The following ZC3H12D variants were observed in gnomAD, a reference collection of about 807,000 sequenced individuals.
The protein encoded by ZC3H12D is probable ribonuclease ZC3H12D.
In ZC3H12D, 11 loss-of-function variants were observed where a neutral mutation model predicts 24.2. That is an observed-to-expected ratio of 0.46 (90% CI 0.29 to 0.75). ZC3H12D has a LOEUF of 0.75. Among genes scored for constraint, ZC3H12D ranks in the 30% least tolerant of loss-of-function variants. The pLI is 0.11. For synonymous variants in ZC3H12D, 333 were observed against 341.8 expected (o/e 0.97, Z 0.28); for missense variants, 740 against 767.7 (o/e 0.96, Z 0.43).
Position 149,474,533 on chromosome 6 carries a change from G to C in ZC3H12D, c.11C>G (p.Pro4Arg). The change falls in exon 2 of 6, where the codon CCC becomes CGC. Residue 4 changes from proline to arginine, a missense_variant. Transcript: ENST00000409806. MEHPSKMEFFQKLG... is the reference protein window; with the variant it reads MEHRSKMEFFQKLG... The stretch of plus-strand genomic sequence containing the variant: ...CTTCTGGAAGAATTCCATCTTGCTG[G>C]GGTGCTCCATGCTGTGCCCAGCGGC... The C allele has an allele frequency of 6.5e-7, 1 of 1,527,300 alleles. No homozygotes were observed. The allele number at this position is 1,527,300 out of a possible 1,614,324, so 94.6% of individuals were successfully genotyped here.
At position 149,456,585 on chromosome 6, in the gene ZC3H12D, G is replaced by A. The variant is rs1196527001; in HGVS notation, c.680+81C>T. The A allele has an allele frequency of 8.1e-7, 1 of 1,234,066 alleles. No homozygotes were observed. The highest frequency in any genetic ancestry group is 1.5e-5 in the African/African-American group (1 of 67,476). The allele number at this position is 1,234,066 out of a possible 1,614,324, so 76.4% of individuals were successfully genotyped here. On this transcript the variant is annotated intron_variant, in intron 4 of 5. Coordinates refer to ENST00000409806, the MANE Select transcript of ZC3H12D (RefSeq NM_207360.3). This position sits in a 1 kb window ranked among gnomAD's most constrained non-coding sequence, Gnocchi z 4.3. ...CGGGTGACCCCAAGCTCCTCCACCT[G>A]GTAGCAGGCGTGGCCACTGCCTCGA...
intron 5 of ZC3H12D, among the ~76,000 whole-genome samples, chr6:149,451,932 C>G (rs1037909948): frequency 6.6e-6 from 1 of 152,220 alleles, no homozygotes; most frequent in Admixed American, 6.5e-5. Flanking sequence ...CCACCGTTCT[C>G]CGTGTTCGCT....
chr6:149,461,434 T>G (rs1308701417), intron 3 of ZC3H12D, among the ~76,000 whole-genome samples: 2 of 152,188 alleles, frequency 1.3e-5, no homozygotes, highest in African/African-American at 4.8e-5. Flanking sequence ...GGTAAATAAG[T>G]ATTACCTGAC....
chr6:149,484,406 T>C (rs1776469392), intron 1 of ZC3H12D, among the ~76,000 whole-genome samples: 1 of 152,206 alleles, frequency 6.6e-6, no homozygotes, highest in African/African-American at 2.4e-5. Flanking sequence ...CTCATGAGCA[T>C]GGTGACAGGG....
At chr6:149,469,937 G>A (rs1002244209) in intron 2 of ZC3H12D, among the ~76,000 whole-genome samples, 1 of 152,160 alleles carries the variant, frequency 6.6e-6, no homozygotes, top group Non-Finnish European at 1.5e-5. Context: ...CAGAAGGAAT[G>A]GTAATGTCTG....
chr6:149,470,345 G>A (rs1776224865), intron 2 of ZC3H12D, among the ~76,000 whole-genome samples: 1 of 152,040 alleles, frequency 6.6e-6, no homozygotes. Context: ...GGGCAACACA[G>A]TGAGACTGTC....
chr6:149,469,250 G>A (rs994410460), intron 2 of ZC3H12D, among the ~76,000 whole-genome samples: 5 of 152,314 alleles, frequency 3.3e-5, no homozygotes, highest in East Asian at 3.9e-4. Context: ...TAAGTCAGGA[G>A]ATCGAGACCA....
intron 2 of ZC3H12D, among the ~76,000 whole-genome samples, chr6:149,463,733 G>A (rs1232935426): frequency 6.6e-6 from 1 of 152,182 alleles, no homozygotes; most frequent in Non-Finnish European, 1.5e-5. Flanking sequence ...TGATGGTGGT[G>A]GATGAGGGAG....
At position 149,452,541 on chromosome 6, in the gene ZC3H12D, C is replaced by T. The variant is rs917299565; in HGVS notation, c.787+75G>A. 7.8e-7 allele frequency: 1 copy of T among 1,276,148 alleles called. No homozygotes were observed. The highest frequency in any genetic ancestry group is 1.6e-5 in the African/African-American group (1 of 64,464). The allele number at this position is 1,276,148 out of a possible 1,614,324, so 79.1% of individuals were successfully genotyped here. The stretch of plus-strand genomic sequence containing the variant: ...CAGGCCGCTGAGCACCAGGCCAGCG[C>T]TTTTTGACTGTGCTCCTGTACTGCC... On this transcript the variant is annotated intron_variant, in intron 5 of 5. Transcript: ENST00000409806. The surrounding 1 kb of genome is among the most constrained non-coding windows in gnomAD (Gnocchi z 4.0).
At chr6:149,457,136 T>C (rs1775997506) in intron 3 of ZC3H12D, among the ~76,000 whole-genome samples, 1 of 152,212 alleles carries the variant, frequency 6.6e-6, no homozygotes, top group African/African-American at 2.4e-5. Context: ...GCCCACATCA[T>C]GACAGGAGTC....
Position 149,450,875 on chromosome 6 carries a change from TC to T in ZC3H12D, c.1391del (p.Gly464AspfsTer34). On this transcript the variant is annotated frameshift_variant, in exon 6 of 6. Coordinates refer to ENST00000409806, the MANE Select transcript of ZC3H12D (RefSeq NM_207360.3). LOFTEE classifies it low-confidence loss of function (END_TRUNC). ...CGTCCTCGGTCGCGTACACTGAAAG[TC>T]CCCCAGTGGCGCCGTCGCCCCAGGC... ...EPAWGDGATG[G>X]LSVYATEDDE... is the part of the protein sequence containing the mutation. 2 of 1,541,812 alleles carry T rather than the reference TC, an allele frequency of 1.3e-6. No homozygotes were observed.
intron 1 of ZC3H12D, among the ~76,000 whole-genome samples, chr6:149,477,484 C>T (rs1776359787): frequency 6.6e-6 from 1 of 152,250 alleles, no homozygotes; most frequent in African/African-American, 2.4e-5. Context: ...GGAACCACTC[C>T]TTGACTTGTT....
chr6:149,451,403 G>A lies in ZC3H12D; in HGVS notation c.864C>T (p.Ala288=). The change falls in exon 6 of 6, where the codon GCC becomes GCT. Residue 288 remains alanine (A), a synonymous_variant. Coordinates refer to ENST00000409806, the MANE Select transcript of ZC3H12D (RefSeq NM_207360.3). ...ERPHHAQLAV[A]DELRAKTGAR... ...CCCCTGTCTTGGCGCGGAGCTCGTCGGCCACCGCCAGTTGCGCGTGGTGCG... is the reference window on the plus strand; with the variant it reads ...CCCCTGTCTTGGCGCGGAGCTCGTCAGCCACCGCCAGTTGCGCGTGGTGCG... 1 of 1,564,992 alleles carries A rather than the reference G, an allele frequency of 6.4e-7. No individual in the cohort carries two copies. Among genetic ancestry groups the A allele is most frequent in the Non-Finnish European group, 8.6e-7 (1 of 1,166,318 alleles).
chr6:149,453,116 C>G (rs1775926556), intron 4 of ZC3H12D, among the ~76,000 whole-genome samples: 1 of 138,034 alleles, frequency 7.2e-6, no homozygotes, highest in Non-Finnish European at 1.5e-5. Flanking sequence ...GAAACCTTGT[C>G]TCTACAGAAA....
chr6:149,472,593 G>C (rs1301498110), intron 2 of ZC3H12D, among the ~76,000 whole-genome samples: 2 of 152,048 alleles, frequency 1.3e-5, no homozygotes, highest in Non-Finnish European at 2.9e-5. Context: ...ACACATTATG[G>C]TCATGTGCAA....
chr6:149,458,666 T>C (rs1776027321), intron 3 of ZC3H12D, among the ~76,000 whole-genome samples: 1 of 152,212 alleles, frequency 6.6e-6, no homozygotes. Context: ...GAAGGCACTT[T>C]ACAAGGTAAT....
chr6:149,461,653 A>C, intron 3 of ZC3H12D, 178 bp downstream of exon 3: 1 of 545,812 alleles, frequency 1.8e-6, no homozygotes, highest in Non-Finnish European at 3.0e-6. Flanking sequence ...GCTAGGTGCT[A>C]GGTGCTAGGG....
chr6:149,458,739 C>T (rs1377196130), intron 3 of ZC3H12D, among the ~76,000 whole-genome samples: 1 of 152,220 alleles, frequency 6.6e-6, no homozygotes, highest in Admixed American at 6.5e-5. Flanking sequence ...ATAAGACAAC[C>T]TTGCCGATAC....
rs536320840 is a variant in ZC3H12D, at chr6:149,459,028, C to T, written c.446-2128G>A. Among the ~76,000 whole-genome samples, 7 of 152,172 alleles carry T rather than the reference C, an allele frequency of 4.6e-5. No individual in the cohort carries two copies. In the South Asian group the frequency reaches 8.3e-4, roughly 18 times the overall value. On this transcript the variant is annotated intron_variant, in intron 3 of 5. Transcript: ENST00000409806. ...CATCAGTAATGTGTGATGTGTAACC[C>T]GCCCCCACACCCTCACCCCAGTTTG...
Sources: gnomAD v4.1 joint callset for allele counts (sites outside exome capture counted in the v4.1 genomes callset) on GRCh38, gnomAD v4.1.1 for gene constraint, Gnocchi (gnomAD v3.1) non-coding constraint, MANE v1.5 for transcripts, NCBI Gene and HGNC (gene_info 2026-07-23, HGNC 2026-07-21) for gene names.